Variants in CABLES1 observed in about 807,000 individuals in gnomAD.
CABLES1 encodes the protein Cdk5 and Abl enzyme substrate 1.
CABLES1 carries 36 observed loss-of-function variants against 57.8 expected under a neutral mutation model. That is an observed-to-expected ratio of 0.62 (90% CI 0.48 to 0.82). CABLES1 has a LOEUF of 0.82. Among genes scored for constraint, CABLES1 ranks in the 40% least tolerant of loss-of-function variants. CABLES1 has a pLI of 0.00. For synonymous variants in CABLES1, 374 were observed against 363.0 expected (o/e 1.03, Z -0.35); for missense variants, 767 against 836.6 (o/e 0.92, Z 1.03).
intron 3 of CABLES1, among the ~76,000 whole-genome samples, chr18:23,202,923 C>T (rs2047336083): frequency 6.7e-6 from 1 of 149,990 alleles, no homozygotes; most frequent in Non-Finnish European, 1.5e-5. Context: ...GGAGGCGGAG[C>T]TTGCAGTGAG....
chr18:23,222,428 G>A (rs2047494347), intron 4 of CABLES1, among the ~76,000 whole-genome samples: 1 of 151,852 alleles, frequency 6.6e-6, no homozygotes, highest in South Asian at 2.1e-4. Flanking sequence ...AGAAAGTAGT[G>A]GTCACTCTGG....
intron 7 of CABLES1, among the ~76,000 whole-genome samples, chr18:23,239,517 C>CA (rs2145092025): frequency 1.3e-5 from 2 of 152,192 alleles, no homozygotes; most frequent in South Asian, 2.1e-4. Context: ...TCCTAGAAGC[C>CA]GACATGGGTT....
intron 4 of CABLES1, among the ~76,000 whole-genome samples, chr18:23,218,660 G>C (rs75094698): frequency 0.096 from 5,637 of 59,004 alleles, 260 homozygotes; most frequent in South Asian, 0.15. Context: ...ACTTGCCCTG[G>C]CTCCCGCATC....
At chr18:23,238,090 TTCC>T (rs1171099150) in intron 7 of CABLES1, among the ~76,000 whole-genome samples, 5 of 152,272 alleles carry the variant, frequency 3.3e-5, no homozygotes, top group African/African-American at 1.2e-4. Flanking sequence ...AGCCGAGCGC[TTCC>T]TCCTCTGGTT....
chr18:23,193,578 G>T lies in CABLES1; in HGVS notation c.918-870G>T, dbSNP rs544277963. Among the ~76,000 whole-genome samples the T allele has an allele frequency of 2.0e-5, 3 of 152,254 alleles. No homozygotes were observed. The East Asian group carries it at 5.8e-4, about 29-fold the overall frequency. On this transcript the variant is annotated intron_variant, in intron 2 of 9. Coordinates refer to ENST00000256925, the MANE Select transcript of CABLES1 (RefSeq NM_001100619.3). ...TGGCTCCTGTGGCCTAGGTCAGAAA[G>T]GTTTTTCGGTAGCAAAACCCAAAAT...
chr18:23,186,698 A>T (rs1369835047), intron 1 of CABLES1, among the ~76,000 whole-genome samples: 2 of 152,172 alleles, frequency 1.3e-5, no homozygotes, highest in Admixed American at 6.5e-5. Flanking sequence ...CTGGGATTAC[A>T]GGTGTGAGCC....
chr18:23,173,662 C>G (rs1475505588), intron 1 of CABLES1, among the ~76,000 whole-genome samples: 1 of 152,148 alleles, frequency 6.6e-6, no homozygotes, highest in Non-Finnish European at 1.5e-5. Context: ...GCATACCAAC[C>G]ATTTAAAGTT....
chr18:23,157,339 C>CG (rs949175429), intron 1 of CABLES1, among the ~76,000 whole-genome samples: 81 of 152,006 alleles, frequency 5.3e-4, no homozygotes, highest in African/African-American at 9.2e-4. Flanking sequence ...GTAGTAAAGG[C>CG]GGGGGGGCGG....
chr18:23,203,461 A>G (rs2047340598), intron 3 of CABLES1, among the ~76,000 whole-genome samples: 1 of 114,770 alleles, frequency 8.7e-6, no homozygotes, highest in African/African-American at 4.0e-5. Context: ...GATATGTTAA[A>G]AAAAAAAAAA....
chr18:23,242,237 T>A (rs1467407024), intron 7 of CABLES1, among the ~76,000 whole-genome samples: 1 of 152,086 alleles, frequency 6.6e-6, no homozygotes, highest in African/African-American at 2.4e-5. Flanking sequence ...GAGATCACAC[T>A]ATTGCACTCC....
Position 23,156,413 on chromosome 18 carries a change from T to C in CABLES1, c.845+19806T>C, listed in dbSNP as rs151275481. ...CCCAGCGGGCACCAAGATTGTGTGT[T>C]TCCTGTTTCGCTTCAGGACCCTGGA... On this transcript the variant is annotated intron_variant, in intron 1 of 9. Transcript: ENST00000256925. Among the ~76,000 whole-genome samples the C allele has an allele frequency of 9.9e-3, 1,504 of 152,342 alleles. 11 individuals carry two copies. The highest frequency in any genetic ancestry group is 0.016 in the Non-Finnish European group (1,119 of 68,016).
intron 2 of CABLES1, 85 bp downstream of exon 2, chr18:23,188,994 A>G (rs1727618000): frequency 1.2e-6 from 1 of 849,514 alleles, no homozygotes. Flanking sequence ...TTCTTGATCT[A>G]TAGAATTAAA....
chr18:23,188,942 C>T (rs1329508579), intron 2 of CABLES1, 33 bp downstream of exon 2: 16 of 1,437,446 alleles, frequency 1.1e-5, no homozygotes, highest in African/African-American at 1.4e-5. Flanking sequence ...TATATGTAAA[C>T]AGTACACCAT....
intron 1 of CABLES1, among the ~76,000 whole-genome samples, chr18:23,176,532 C>T (rs555898880): frequency 1.1e-3 from 172 of 152,086 alleles, no homozygotes; most frequent in African/African-American, 3.9e-3. Flanking sequence ...ATTTGGAGGC[C>T]GTCAATTTAG....
At chr18:23,209,366 A>G (rs913600121) in intron 3 of CABLES1, among the ~76,000 whole-genome samples, 4 of 152,222 alleles carry the variant, frequency 2.6e-5, no homozygotes, top group African/African-American at 7.2e-5. Flanking sequence ...TGTACTTACA[A>G]ATAAGGCCAC....
intron 1 of CABLES1, among the ~76,000 whole-genome samples, chr18:23,170,011 T>G (rs1257268009): frequency 6.6e-6 from 1 of 152,184 alleles, no homozygotes; most frequent in Non-Finnish European, 1.5e-5. Flanking sequence ...AGCAATGCCC[T>G]ATCCCTCTCA....
intron 1 of CABLES1, among the ~76,000 whole-genome samples, chr18:23,147,172 T>C (rs1027072396): frequency 5.3e-5 from 8 of 152,224 alleles, no homozygotes; most frequent in Non-Finnish European, 8.8e-5. Flanking sequence ...ATTAATAGCT[T>C]GGTATCAGTT....
chr18:23,225,062 T>G (rs2047518442), intron 4 of CABLES1, among the ~76,000 whole-genome samples: 1 of 152,140 alleles, frequency 6.6e-6, no homozygotes, highest in African/African-American at 2.4e-5. Flanking sequence ...GAGTCGGGTT[T>G]CACCATGCTG....
chr18:23,194,416 G>A (rs1207770294), intron 2 of CABLES1, 32 bp from the exon 3 acceptor site: 7 of 1,409,330 alleles, frequency 5.0e-6, no homozygotes, highest in Non-Finnish European at 5.0e-6. Flanking sequence ...GCAGGCAACT[G>A]ACTGTGTTTT....
Sources: allele counts gnomAD v4.1 joint callset (sites outside exome capture counted in the v4.1 genomes callset), GRCh38; gene constraint gnomAD v4.1.1; transcripts MANE v1.5; gene names NCBI Gene and HGNC (gene_info 2026-07-23, HGNC 2026-07-21).